The following GM2A variants were observed in gnomAD, a reference collection of about 807,000 sequenced individuals.
GM2A encodes ganglioside GM2 activator, also known as GM2 ganglioside activator.
In GM2A, 7 loss-of-function variants were observed where a neutral mutation model predicts 12.9. The observed-to-expected ratio is 0.54, with a 90% confidence interval of 0.31 to 1.02. The LOEUF is 1.02. GM2A is among the 50% of genes least tolerant of loss of function. GM2A has a pLI of 0.05. For synonymous variants in GM2A, 101 were observed against 96.0 expected, an observed-to-expected ratio of 1.05 and a Z score of -0.30; for missense variants, 246 against 241.0, an observed-to-expected ratio of 1.02 and a Z score of -0.14.
At chr5:151,264,640 A>G (rs1254098504) in intron 2 of GM2A, among the ~76,000 whole-genome samples, 2 of 152,172 alleles carry the variant, frequency 1.3e-5, no homozygotes. Context: ...TTCCCTCTCA[A>G]TGGGACCTGT....
chr5:151,266,989 C>A, intron 3 of GM2A, 76 bp downstream of exon 3: 1 of 1,178,302 alleles, frequency 8.5e-7, no homozygotes, highest in Non-Finnish European at 1.3e-6. Context: ...TCTTTGCATT[C>A]TCCTTCTGCA....
At chr5:151,264,418 A>G (rs776455533) in intron 2 of GM2A, among the ~76,000 whole-genome samples, 10 of 152,142 alleles carry the variant, frequency 6.6e-5, no homozygotes, top group Non-Finnish European at 7.4e-5. Context: ...ATGCAGCCCT[A>G]CAGGTTCCAG....
At chr5:151,257,306 C>T (rs184072441) in intron 1 of GM2A, among the ~76,000 whole-genome samples, 5 of 152,222 alleles carry the variant, frequency 3.3e-5, no homozygotes, top group Non-Finnish European at 5.9e-5. Context: ...GCTAGCCGGG[C>T]ATTACCCTCA....
chr5:151,269,474 G>T lies in GM2A; in HGVS notation c.*2023G>T, dbSNP rs1199976427. ...TGCTTTCCATCACATCATGACTGCG[G>T]AGAGCAAAAATCACCTAGTGACCAT... On this transcript the variant is annotated 3_prime_UTR_variant, in exon 4 of 4. Transcript: ENST00000357164. 1.0e-6 allele frequency: 1 copy of T among 983,960 alleles called. No individual in the cohort carries two copies. Among genetic ancestry groups the T allele is most frequent in the African/African-American group, 1.7e-5 (1 of 57,162 alleles). The allele number at this position is 983,960 out of a possible 1,614,324, so 61.0% of individuals were successfully genotyped here.
At chr5:151,260,474 T>C (rs2114033303) in intron 2 of GM2A, among the ~76,000 whole-genome samples, 1 of 152,108 alleles carries the variant, frequency 6.6e-6, no homozygotes, top group East Asian at 1.9e-4. Context: ...AAAAATTAGC[T>C]GGGCGTGGTG....
At position 151,269,560 on chromosome 5, in the gene GM2A, C is replaced by A; in HGVS notation, c.*2109C>A. 1 of 541,278 alleles carries A rather than the reference C, an allele frequency of 1.8e-6. No individual in the cohort carries two copies. The highest frequency in any genetic ancestry group is 2.4e-6 in the Non-Finnish European group (1 of 423,776). 33.5% of individuals were successfully genotyped at this position (541,278 alleles called of 1,614,324 possible). On this transcript the variant is annotated 3_prime_UTR_variant, in exon 4 of 4. Transcript: ENST00000357164. ...GGAATTTAAAAGGGAGCAAAGACCA[C>A]CTGGTGACTATCAGGCCATGCAGAG...
At chr5:151,265,842 C>A (rs767137537) in intron 2 of GM2A, among the ~76,000 whole-genome samples, 7 of 152,174 alleles carry the variant, frequency 4.6e-5, no homozygotes, top group Non-Finnish European at 8.8e-5. Context: ...TCAGGGAGCC[C>A]GTACTCCTTG....
rs749309977 is a variant in GM2A, at chr5:151,259,905, TCTC to T, written c.236_238del (p.Pro79del). ...GGGCAGCACCAGTGTCCCCCTGAGT[TCTC>T]CTCTGAAGGTGAGCCTGGGGGTGGG... On this transcript the variant is annotated inframe_deletion, in exon 2 of 4. Coordinates refer to ENST00000357164, the MANE Select transcript of GM2A (RefSeq NM_000405.5). 4.0e-5 allele frequency: 65 copies of T among 1,613,328 alleles called. No homozygotes were observed. The highest frequency in any genetic ancestry group is 7.7e-5 in the South Asian group (7 of 91,016).
In GM2A at chr5:151,270,171, TG is replaced by T; in HGVS notation, c.*2722del. 9.2e-7 allele frequency: 1 copy of T among 1,087,886 alleles called. No individual in the cohort carries two copies. The highest frequency in any genetic ancestry group is 3.3e-5 in the East Asian group (1 of 30,354). The allele number at this position is 1,087,886 out of a possible 1,614,324, so 67.4% of individuals were successfully genotyped here. On this transcript the variant is annotated 3_prime_UTR_variant, in exon 4 of 4. Transcript: ENST00000357164. Reference sequence around the variant, plus strand: ...GCAGGTCAAAGCAGACTTTAATAAATGGTGCTGAGCCAACTGGAAAGCCCCT... The same window carrying T: ...GCAGGTCAAAGCAGACTTTAATAAATGTGCTGAGCCAACTGGAAAGCCCCT...
At position 151,266,715 on chromosome 5, in the gene GM2A, TA is replaced by T. The variant is rs1753893384; in HGVS notation, c.244-15del. The T allele has an allele frequency of 6.2e-7, 1 of 1,607,674 alleles. No homozygotes were observed. Among genetic ancestry groups the T allele is most frequent in the African/African-American group, 1.3e-5 (1 of 74,794 alleles). On this transcript the variant is annotated splice_polypyrimidine_tract_variant and intron_variant, in intron 2 of 3. Coordinates refer to ENST00000357164, the MANE Select transcript of GM2A (RefSeq NM_000405.5). ...TATAACCTTTTTCAAACCTTTGTTT[TA>T]TTTTTTTTTACCAGGTGGATTTAGT...
In GM2A at chr5:151,259,924, TG is replaced by T. The variant is rs1183155527; in HGVS notation, c.243+13del. 1.2e-6 allele frequency: 2 copies of T among 1,610,318 alleles called. No homozygotes were observed. Among genetic ancestry groups the T allele is most frequent in the Non-Finnish European group, 8.5e-7 (1 of 1,176,966 alleles). ...CTGAGTTCTCCTCTGAAGGTGAGCC[TG>T]GGGGTGGGTGGAGAAGGGGAGGTGC... On this transcript the variant is annotated intron_variant, in intron 2 of 3. Coordinates refer to ENST00000357164, the MANE Select transcript of GM2A (RefSeq NM_000405.5).
rs554213467 is a variant in GM2A, at chr5:151,267,705, C to G, written c.*254C>G. The G allele has an allele frequency of 2.3e-4, 332 of 1,413,044 alleles. 1 individual carries two copies. The African/African-American group carries it at 4.3e-3, about 18-fold the overall frequency. The allele number at this position is 1,413,044 out of a possible 1,614,324, so 87.5% of individuals were successfully genotyped here. The stretch of plus-strand genomic sequence containing the variant: ...CTGCTGGGCTGACCACGTTACTCAT[C>G]CCCGTTAACATTCTCTCTAAAGAGC... On this transcript the variant is annotated 3_prime_UTR_variant, in exon 4 of 4. Coordinates refer to ENST00000357164, the MANE Select transcript of GM2A (RefSeq NM_000405.5).
rs561460222 is a variant in GM2A at position 151,256,342 on chromosome 5, A to G, written c.81+3045A>G. 1.1e-3 allele frequency among the ~76,000 whole-genome samples: 173 copies of G among 152,272 alleles called. 2 individuals are homozygous for G. Among genetic ancestry groups the G allele is most frequent in the African/African-American group, 4.0e-3 (167 of 41,568 alleles). ...CAGCAGGGCGTGGTGGTTCACCCCTATAATCCAGCACTGTGGGAGACCAAG... is the reference window on the plus strand; with the variant it reads ...CAGCAGGGCGTGGTGGTTCACCCCTGTAATCCAGCACTGTGGGAGACCAAG... On this transcript the variant is annotated intron_variant, in intron 1 of 3. Coordinates refer to ENST00000357164, the MANE Select transcript of GM2A (RefSeq NM_000405.5).
intron 2 of GM2A, among the ~76,000 whole-genome samples, chr5:151,262,222 C>T (rs56942995): frequency 0.021 from 3,196 of 152,292 alleles, 101 homozygotes; most frequent in African/African-American, 0.071. Flanking sequence ...ATGGTCCTTT[C>T]CTCTCTAGCT....
chr5:151,257,777 G>A (rs1753719102), intron 1 of GM2A, among the ~76,000 whole-genome samples: 1 of 152,188 alleles, frequency 6.6e-6, no homozygotes, highest in Non-Finnish European at 1.5e-5. Context: ...GTGCCTCGGG[G>A]CCTTTGCCTG....
chr5:151,262,017 C>T (rs1420112695), intron 2 of GM2A, among the ~76,000 whole-genome samples: 1 of 152,226 alleles, frequency 6.6e-6, no homozygotes, highest in African/African-American at 2.4e-5. Context: ...TGCCAAAGTG[C>T]CTCCCAATGT....
In GM2A at chr5:151,268,305, C is replaced by A; in HGVS notation, c.*854C>A. The A allele has an allele frequency of 2.6e-6, 1 of 381,084 alleles. No homozygotes were observed. Among genetic ancestry groups the A allele is most frequent in the Non-Finnish European group, 3.6e-6 (1 of 277,682 alleles). The allele number at this position is 381,084 out of a possible 1,614,324, so 23.6% of individuals were successfully genotyped here. A position where few individuals can be genotyped will look rare whatever the true frequency, so the allele number is the denominator to read the frequency against. ...CAAGTAGCTTGGACTACAGGCCCTG[C>A]CACCACGCCCGGCTAATTTGTGTAT... On this transcript the variant is annotated 3_prime_UTR_variant, in exon 4 of 4. Coordinates refer to ENST00000357164, the MANE Select transcript of GM2A (RefSeq NM_000405.5).
intron 1 of GM2A, 72 bp downstream of exon 1, chr5:151,253,369 G>C (rs1407115225): frequency 1.6e-5 from 18 of 1,093,638 alleles, no homozygotes; most frequent in Non-Finnish European, 2.5e-5. Context: ...GTCTGGCTGA[G>C]ATATGGGGGT....
chr5:151,268,175 G>C lies in GM2A; in HGVS notation c.*724G>C, dbSNP rs112641014. ...TCGATTTTTCGCTTTTTTTTTTTTTGAGACAGAATCTCACTTTGTCACCAG... is the reference window on the plus strand; with the variant it reads ...TCGATTTTTCGCTTTTTTTTTTTTTCAGACAGAATCTCACTTTGTCACCAG... On this transcript the variant is annotated 3_prime_UTR_variant, in exon 4 of 4. Coordinates refer to ENST00000357164, the MANE Select transcript of GM2A (RefSeq NM_000405.5). 100,369 of 549,056 alleles carry C rather than the reference G, an allele frequency of 0.18. 6,225 individuals are homozygous for C. The highest frequency in any genetic ancestry group is 0.37 in the African/African-American group (13,953 of 37,244). The allele number at this position is 549,056 out of a possible 1,614,324, so 34.0% of individuals were successfully genotyped here. A position where few individuals can be genotyped will look rare whatever the true frequency, so the allele number is the denominator to read the frequency against.
Sources: gnomAD v4.1 joint callset for allele counts (sites outside exome capture counted in the v4.1 genomes callset) on GRCh38, gnomAD v4.1.1 for gene constraint, MANE v1.5 for transcripts, NCBI Gene and HGNC (gene_info 2026-07-23, HGNC 2026-07-21) for gene names.